Variants in ATAD2B observed in about 807,000 individuals in gnomAD.
The protein encoded by ATAD2B is ATPase family AAA domain containing 2B, also known as ATPase family AAA domain-containing protein 2B.
In ATAD2B, 40 loss-of-function variants were observed where a neutral mutation model predicts 167.6. The ratio of observed to expected loss-of-function variants is 0.24; its 90% confidence interval spans 0.19 to 0.31. The LOEUF (loss-of-function observed/expected upper bound fraction) is 0.31, where lower values mean the gene tolerates loss of function less well. Among genes scored for constraint, ATAD2B ranks in the 10% least tolerant of loss-of-function variants. ATAD2B has a pLI of 1.00. For missense variants in ATAD2B, 1,242 were observed against 1,757.2 expected (o/e 0.71, Z 5.24); for synonymous variants, 579 against 596.5 (o/e 0.97, Z 0.43).
intron 22 of ATAD2B, among the ~76,000 whole-genome samples, chr2:23,782,626 T>C (rs1484151621): frequency 6.6e-6 from 1 of 152,180 alleles, no homozygotes; most frequent in Non-Finnish European, 1.5e-5. Flanking sequence ...CAAATTACAA[T>C]GTAAATATAA....
chr2:23,781,869 G>C (rs2712086), intron 22 of ATAD2B, among the ~76,000 whole-genome samples: 28,010 of 151,390 alleles, frequency 0.19, 2,682 homozygotes, highest in Middle Eastern at 0.26. Flanking sequence ...CTGGAGTACA[G>C]TGGCATGATC....
chr2:23,886,943 A>AAAAAAG (rs1698759142), intron 4 of ATAD2B, among the ~76,000 whole-genome samples: 1 of 147,912 alleles, frequency 6.8e-6, no homozygotes, highest in Non-Finnish European at 1.5e-5. Context: ...AAAAAAAAAA[A>AAAAAAG]GGGAAAAAGA....
At chr2:23,857,726 CA>C (rs1401354925) in intron 12 of ATAD2B, among the ~76,000 whole-genome samples, 3 of 147,506 alleles carry the variant, frequency 2.0e-5, no homozygotes, top group Non-Finnish European at 4.5e-5. Context: ...TACTTATACA[CA>C]AACCAAAGTG....
At chr2:23,855,506 G>A (rs1693248160) in intron 13 of ATAD2B, among the ~76,000 whole-genome samples, 2 of 152,140 alleles carry the variant, frequency 1.3e-5, no homozygotes, top group South Asian at 4.1e-4. Context: ...AATAAAAATG[G>A]TAAAACCACT....
chr2:23,894,196 T>C (rs1699897851), intron 2 of ATAD2B, among the ~76,000 whole-genome samples: 1 of 151,864 alleles, frequency 6.6e-6, no homozygotes, highest in Non-Finnish European at 1.5e-5. Context: ...CTATATGAAA[T>C]ATCGGCCAGG....
At chr2:23,722,945 A>G in the ATAD2B span, among the ~76,000 whole-genome samples, 2 of 152,220 alleles carry the variant, frequency 1.3e-5, no homozygotes, top group Non-Finnish European at 2.9e-5. Flanking sequence ...TATCTAGAAT[A>G]TACAAGGAAC....
At chr2:23,703,131 T>A in the ATAD2B span, 5 of 1,305,778 alleles carry the variant, frequency 3.8e-6, no homozygotes, top group Non-Finnish European at 4.0e-6. Flanking sequence ...GCTTGTGACC[T>A]CTGCCCCGCA....
intron 13 of ATAD2B, among the ~76,000 whole-genome samples, chr2:23,851,951 A>G (rs1462926471): frequency 6.6e-6 from 1 of 151,862 alleles, no homozygotes; most frequent in African/African-American, 2.4e-5. Flanking sequence ...ACAGGTTATC[A>G]CCATCGGAAA....
At chr2:23,693,816 G>C in the ATAD2B span, among the ~76,000 whole-genome samples, 1 of 152,234 alleles carries the variant, frequency 6.6e-6, no homozygotes, top group African/African-American at 2.4e-5. Context: ...CAGGAACACG[G>C]ACCCAGCTGG....
At chr2:23,862,772 C>T (rs1573102614) in intron 12 of ATAD2B, among the ~76,000 whole-genome samples, 2 of 144,582 alleles carry the variant, frequency 1.4e-5, no homozygotes, top group Admixed American at 1.3e-4. Flanking sequence ...TGCACAGATA[C>T]TTAAGTTTTT....
chr2:23,678,042 A>G, the ATAD2B span, among the ~76,000 whole-genome samples: 2 of 152,190 alleles, frequency 1.3e-5, no homozygotes, highest in Admixed American at 6.5e-5. Flanking sequence ...AATATTTGAC[A>G]TCTCTTCCTC....
Position 23,926,975 on chromosome 2 carries a change from GGCGGTGCT to G in ATAD2B, c.-213_-206del, listed in dbSNP as rs1704983340. On this transcript the variant is annotated 5_prime_UTR_variant, in exon 1 of 28. Transcript: ENST00000238789. ...GAGCAGGCGGCGTGCGGGAAGCGGG[GGCGGTGCT>G]GCAGACCGGCAGCACAGACACTCCG... 1.7e-6 allele frequency: 1 copy of G among 595,486 alleles called. No individual in the cohort carries two copies. The highest frequency in any genetic ancestry group is 2.8e-6 in the Non-Finnish European group (1 of 362,102). 36.9% of individuals were successfully genotyped at this position (595,486 alleles called of 1,614,324 possible).
chr2:23,915,883 G>A lies in ATAD2B; in HGVS notation c.216+10672C>T, dbSNP rs532798147. 1.8e-4 allele frequency among the ~76,000 whole-genome samples: 28 copies of A among 152,068 alleles called. No individual in the cohort carries two copies. In the Middle Eastern group the frequency reaches 0.01, roughly 55 times the overall value. Reference sequence around the variant, plus strand: ...TGGGATTACAGGCATGAGCCACCGCGCCTGGCCTCAATTCATTATTTTGCT... The same window carrying A: ...TGGGATTACAGGCATGAGCCACCGCACCTGGCCTCAATTCATTATTTTGCT... On this transcript the variant is annotated intron_variant, in intron 1 of 27. Transcript: ENST00000238789.
chr2:23,702,307 T>C, the ATAD2B span, among the ~76,000 whole-genome samples: 2 of 152,240 alleles, frequency 1.3e-5, no homozygotes, highest in Non-Finnish European at 2.9e-5. Context: ...AAACATGCTC[T>C]GAACACTTAC....
At chr2:23,854,248 G>GA (rs942472853) in intron 13 of ATAD2B, among the ~76,000 whole-genome samples, 33 of 147,550 alleles carry the variant, frequency 2.2e-4, no homozygotes, top group Admixed American at 4.0e-4. Flanking sequence ...CCGTCTCAAA[G>GA]AAAAAAAAAG....
At chr2:23,881,429 G>A (rs1400612212) in intron 6 of ATAD2B, among the ~76,000 whole-genome samples, 1 of 148,890 alleles carries the variant, frequency 6.7e-6, no homozygotes, top group African/African-American at 2.5e-5. Context: ...GGCGTGATCT[G>A]GGCTTCACTG....
intron 22 of ATAD2B, among the ~76,000 whole-genome samples, chr2:23,773,123 T>C (rs527731333): frequency 6.6e-6 from 1 of 152,348 alleles, no homozygotes. Flanking sequence ...ATACATAGCA[T>C]ATAATCACAA....
intron 25 of ATAD2B, among the ~76,000 whole-genome samples, chr2:23,755,457 C>T (rs75643170): frequency 0.022 from 3,346 of 152,176 alleles, 135 homozygotes; most frequent in African/African-American, 0.076. Flanking sequence ...CATAATTTCA[C>T]GAACCCAGGC....
At chr2:23,693,206 T>C in the ATAD2B span, 5 of 1,493,856 alleles carry the variant, frequency 3.3e-6, no homozygotes, top group Non-Finnish European at 3.6e-6. Flanking sequence ...GTGACAGCAA[T>C]GGGAACAGGT....
Sources: gnomAD v4.1 joint callset for allele counts (sites outside exome capture counted in the v4.1 genomes callset) on GRCh38, gnomAD v4.1.1 for gene constraint, MANE v1.5 for transcripts, NCBI Gene and HGNC (gene_info 2026-07-23, HGNC 2026-07-21) for gene names.